The following FER1L5 variants were observed in gnomAD, a reference collection of about 807,000 sequenced individuals.
FER1L5 encodes the protein fer-1-like protein 5.
In FER1L5, 187 loss-of-function variants were observed where a neutral mutation model predicts 279.9. That is an observed-to-expected ratio of 0.67 (90% CI 0.59 to 0.75). FER1L5 has a LOEUF of 0.75. Ranked by LOEUF, FER1L5 falls within the 30% of genes least tolerant of loss-of-function variation. FER1L5 has a pLI of 0.00. For missense variants in FER1L5, 2,091 were observed against 2,594.4 expected, an observed-to-expected ratio of 0.81 and a Z score of 4.21; for synonymous variants, 921 against 989.7, an observed-to-expected ratio of 0.93 and a Z score of 1.30.
Position 96,668,755 on chromosome 2 carries a change from C to A in FER1L5, c.1145C>A (p.Pro382His). 3 of 1,551,600 alleles carry A rather than the reference C, an allele frequency of 1.9e-6. No homozygotes were observed. Among genetic ancestry groups the A allele is most frequent in the Non-Finnish European group, 2.6e-6 (3 of 1,146,936 alleles). Residue 382 changes from proline to histidine, a missense_variant, in exon 15 of 53, where the codon CCC (proline) becomes CAC (histidine). Transcript: ENST00000624922. ...NQILTFRIQL[P>H]CLSSYIKFRV... Reference sequence around the variant, plus strand: ...CCTCTCTCCTTCCCTCCACAGCTACCCTGCCTCTCCAGCTACATCAAGTTC... The same window carrying A: ...CCTCTCTCCTTCCCTCCACAGCTACACTGCCTCTCCAGCTACATCAAGTTC...
intron 9 of FER1L5, among the ~76,000 whole-genome samples, chr2:96,659,960 G>A (rs971452982): frequency 2.6e-5 from 4 of 152,204 alleles, no homozygotes; most frequent in Admixed American, 1.3e-4. Flanking sequence ...GAGAAAACCC[G>A]TAGTTTCTTT....
intron 50 of FER1L5, 67 bp from the exon 51 acceptor site, chr2:96,703,456 G>C: frequency 6.2e-7 from 1 of 1,608,826 alleles, no homozygotes; most frequent in Non-Finnish European, 8.5e-7. Context: ...ATCCCGGGAA[G>C]AGGTCCTAAA....
intron 7 of FER1L5, 50 bp from the exon 8 acceptor site, chr2:96,653,590 T>C: frequency 7.2e-7 from 1 of 1,384,544 alleles, no homozygotes; most frequent in Non-Finnish European, 1.0e-6. Flanking sequence ...AGTGCTTGGG[T>C]GAAGTGGCGG....
At chr2:96,697,249 G>A (rs1033433508) in intron 37 of FER1L5, among the ~76,000 whole-genome samples, 1 of 152,302 alleles carries the variant, frequency 6.6e-6, no homozygotes, top group South Asian at 2.1e-4. Context: ...AGGTCAGGGT[G>A]GGGCTTGAGG....
chr2:96,704,068 G>C, intron 51 of FER1L5, 147 bp from the exon 52 acceptor site: 2 of 939,974 alleles, frequency 2.1e-6, no homozygotes, highest in Non-Finnish European at 3.1e-6. Flanking sequence ...CACTCACCTC[G>C]GCCTCCCAAA....
In FER1L5 at chr2:96,698,051, G is replaced by A. The variant is rs200971071; in HGVS notation, c.4251G>A (p.Glu1417=). The A allele has an allele frequency of 2.3e-4, 359 of 1,576,128 alleles. No homozygotes were observed. Among genetic ancestry groups the A allele is most frequent in the Non-Finnish European group, 2.8e-4 (330 of 1,161,060 alleles). The change falls in exon 40 of 53, where the codon GAG becomes GAA. Residue 1417 remains glutamate (E), a synonymous_variant. Transcript: ENST00000624922. The surrounding 1 kb of genome is among the most constrained non-coding windows in gnomAD (Gnocchi z 5.5). ...CACCTCTGCAGGTGTATGAGTGTGAGCTGGAGGCCGTGCCAGCCTTCCAGG... is the reference window on the plus strand; with the variant it reads ...CACCTCTGCAGGTGTATGAGTGTGAACTGGAGGCCGTGCCAGCCTTCCAGG... ...DYHTLKVYEC[E]LEAVPAFQGL...
At chr2:96,679,714 A>G (rs1297947501) in intron 19 of FER1L5, among the ~76,000 whole-genome samples, 1 of 152,144 alleles carries the variant, frequency 6.6e-6, no homozygotes, top group Admixed American at 6.5e-5. Flanking sequence ...CAGAGGCTCC[A>G]TTTATGGGTT....
intron 39 of FER1L5, 51 bp from the exon 40 acceptor site, chr2:96,697,986 C>A (rs1416415203): frequency 1.3e-6 from 2 of 1,532,408 alleles, no homozygotes; most frequent in Non-Finnish European, 1.8e-6. Context: ...CCCTCCATCT[C>A]CTAATCACGG....
chr2:96,683,721 G>T (rs2076817399), intron 19 of FER1L5, among the ~76,000 whole-genome samples: 1 of 152,216 alleles, frequency 6.6e-6, no homozygotes, highest in African/African-American at 2.4e-5. Flanking sequence ...GAGAACAAAA[G>T]TCAGCTTTGG....
chr2:96,679,223 C>A (rs1022458857), intron 19 of FER1L5, among the ~76,000 whole-genome samples: 4 of 149,748 alleles, frequency 2.7e-5, no homozygotes, highest in Non-Finnish European at 4.4e-5. Context: ...CGACACACAC[C>A]TATAGTTTTT....
Position 96,691,863 on chromosome 2 carries a change from C to A in FER1L5, c.3114C>A (p.Asp1038Glu). ...DLKYHAGKEE[D>E]SKTWPWGLDR... is the part of the protein sequence containing the mutation. Reference sequence around the variant, plus strand: ...AATACCACGCTGGGAAGGAAGAGGACAGCAAGACATGGCCATGGGGTCTGG... The same window carrying A: ...AATACCACGCTGGGAAGGAAGAGGAAAGCAAGACATGGCCATGGGGTCTGG... Residue 1038 changes from aspartate to glutamate, a missense_variant, in exon 30 of 53, where the codon GAC becomes GAA. By Grantham distance (45) the Asp-to-Glu change is conservative. Transcript: ENST00000624922. This position sits in a 1 kb window ranked among gnomAD's most constrained non-coding sequence, Gnocchi z 6.0. The A allele has an allele frequency of 6.4e-7, 1 of 1,551,584 alleles. No homozygotes were observed. The highest frequency in any genetic ancestry group is 8.7e-7 in the Non-Finnish European group (1 of 1,146,984).
intron 39 of FER1L5, 80 bp downstream of exon 39, chr2:96,697,841 G>C: frequency 6.5e-7 from 1 of 1,539,868 alleles, no homozygotes; most frequent in East Asian, 2.3e-5. Context: ...ATTCCTCTGG[G>C]AAGCCTCAAG....
chr2:96,653,839 C>A, intron 8 of FER1L5, 137 bp downstream of exon 8: 1 of 632,288 alleles, frequency 1.6e-6, no homozygotes, highest in Non-Finnish European at 2.8e-6. Flanking sequence ...ACTTTCTTCA[C>A]CCCCTGGCAC....
intron 18 of FER1L5, among the ~76,000 whole-genome samples, chr2:96,672,830 C>T (rs938714420): frequency 6.6e-6 from 1 of 152,138 alleles, no homozygotes; most frequent in Admixed American, 6.5e-5. Context: ...GACCACCCCC[C>T]TCCCCAGCCA....
chr2:96,702,552 GA>G lies in FER1L5; in HGVS notation c.5256-47del, dbSNP rs1429167465. ...CCTTCCCATGGGGCTCCAGCTGGGG[GA>G]TGGGGCCAATGCACATGAGCCACAG... is the stretch of plus-strand genomic sequence containing the variant. On this transcript the variant is annotated intron_variant, in intron 47 of 52. Coordinates refer to ENST00000624922, the MANE Select transcript of FER1L5 (RefSeq NM_001293083.2). This position sits in a 1 kb window ranked among gnomAD's most constrained non-coding sequence, Gnocchi z 4.0. 1 of 1,552,794 alleles carries G rather than the reference GA, an allele frequency of 6.4e-7. No individual in the cohort carries two copies. Among genetic ancestry groups the G allele is most frequent in the Middle Eastern group, 1.7e-4 (1 of 5,990 alleles).
intron 9 of FER1L5, among the ~76,000 whole-genome samples, chr2:96,657,098 A>G (rs561487407): frequency 2.8e-4 from 42 of 150,630 alleles, no homozygotes; most frequent in Non-Finnish European, 3.0e-5. Context: ...TTTTTGAGAC[A>G]GAGTCTTGCT....
Position 96,695,843 on chromosome 2 carries a change from C to T in FER1L5, c.3996C>T (p.Asp1332=). Residue 1332 remains aspartate (D), a synonymous_variant, in exon 36 of 53, where the codon GAC becomes GAT. Coordinates refer to ENST00000624922, the MANE Select transcript of FER1L5 (RefSeq NM_001293083.2). ...QQTVTGQANI[D]FLQPYFCDPW... ...CCGTGACGGGCCAGGCCAACATCGACTTCCTCCAGCCCTACTTCTGTGACC... is the reference window on the plus strand; with the variant it reads ...CCGTGACGGGCCAGGCCAACATCGATTTCCTCCAGCCCTACTTCTGTGACC... The T allele has an allele frequency of 6.2e-7, 1 of 1,613,606 alleles. No homozygotes were observed. The highest frequency in any genetic ancestry group is 8.5e-7 in the Non-Finnish European group (1 of 1,179,766).
Position 96,686,358 on chromosome 2 carries a change from T to G in FER1L5, c.2229+8T>G, listed in dbSNP as rs1220998211. 1 of 1,549,450 alleles carries G rather than the reference T, an allele frequency of 6.5e-7. No individual in the cohort carries two copies. The highest frequency in any genetic ancestry group is 8.7e-7 in the Non-Finnish European group (1 of 1,145,942). ...CAGACACTCTTCCTACAGGTGGGAA[T>G]CAGGGACTCCTCAGGGGAGGACAGG... On this transcript the variant is annotated splice_region_variant and intron_variant, in intron 23 of 52. Coordinates refer to ENST00000624922, the MANE Select transcript of FER1L5 (RefSeq NM_001293083.2).
In FER1L5 at chr2:96,703,631, C is replaced by G; in HGVS notation, c.5800C>G (p.Leu1934Val). ...PNQYPTLHPP[L>V]RTNTSFTWLR... ...CCAGTACCCCACACTTCATCCTCCCCTGTAAGGGTCCTTGGGGCAAAAGCA... is the reference window on the plus strand; with the variant it reads ...CCAGTACCCCACACTTCATCCTCCCGTGTAAGGGTCCTTGGGGCAAAAGCA... Residue 1934 changes from leucine (L) to valine (V), a missense_variant and splice_region_variant, in exon 51 of 53, where the codon CTA becomes GTA. Leu to Val is a conservative substitution (Grantham distance 32). Coordinates refer to ENST00000624922, the MANE Select transcript of FER1L5 (RefSeq NM_001293083.2). 3.7e-6 allele frequency: 6 copies of G among 1,613,834 alleles called. No individual in the cohort carries two copies. Among genetic ancestry groups the G allele is most frequent in the Non-Finnish European group, 5.1e-6 (6 of 1,179,810 alleles).
Sources: allele counts gnomAD v4.1 joint callset (sites outside exome capture counted in the v4.1 genomes callset), GRCh38; gene constraint gnomAD v4.1.1; non-coding constraint Gnocchi (gnomAD v3.1); transcripts MANE v1.5; gene names NCBI Gene and HGNC (gene_info 2026-07-23, HGNC 2026-07-21).